The following TGM3 variants were observed in gnomAD, a reference collection of about 807,000 sequenced individuals.
TGM3 encodes the protein protein-glutamine gamma-glutamyltransferase E.
Under a neutral mutation model 73.8 loss-of-function variants are expected in TGM3, and 52 were observed. The observed-to-expected ratio is 0.70, with a 90% CI of 0.56 to 0.89. TGM3 has a LOEUF of 0.89. Among genes scored for constraint, TGM3 ranks in the 40% least tolerant of loss-of-function variants. The probability of loss-of-function intolerance (pLI) is 0.00; values close to 1 mark genes in which losing one functional copy is unlikely to be tolerated. For missense variants in TGM3, 928 were observed against 909.9 expected (o/e 1.02, Z -0.26); for synonymous variants, 372 against 354.9 (o/e 1.05, Z -0.54).
intron 8 of TGM3, 32 bp downstream of exon 8, chr20:2,325,984 A>G: frequency 6.4e-7 from 1 of 1,565,168 alleles, no homozygotes; most frequent in Non-Finnish European, 8.7e-7. Context: ...CTGAGTCGTG[A>G]GCCTCACAGT....
chr20:2,339,696 C>A (rs567454006), intron 11 of TGM3, among the ~76,000 whole-genome samples, 158 bp from the exon 12 acceptor site: 58 of 152,218 alleles, frequency 3.8e-4, no homozygotes, highest in African/African-American at 1.4e-3. Context: ...GGGCGTCAGA[C>A]ACAATGTGCC....
At chr20:2,316,983 C>T (rs959185679) in intron 5 of TGM3, 85 bp from the exon 6 acceptor site, 3 of 1,500,984 alleles carry the variant, frequency 2.0e-6, no homozygotes, top group East Asian at 2.3e-5. Flanking sequence ...CTCATCTCCC[C>T]ACCTTGTCCT....
intron 7 of TGM3, among the ~76,000 whole-genome samples, chr20:2,321,132 T>A (rs1224166644): frequency 6.6e-6 from 1 of 152,110 alleles, no homozygotes; most frequent in Non-Finnish European, 1.5e-5. Context: ...CAGAGAGTGG[T>A]TTCAGCCCAG....
At chr20:2,318,015 G>A (rs1038674440) in intron 7 of TGM3, among the ~76,000 whole-genome samples, 4 of 149,874 alleles carry the variant, frequency 2.7e-5, no homozygotes, top group East Asian at 2.0e-4. Context: ...TCTGGATTCC[G>A]GATGAAAACA....
At chr20:2,312,137 C>T (rs6515233) in intron 4 of TGM3, among the ~76,000 whole-genome samples, 75,652 of 151,960 alleles carry the variant, frequency 0.5, 23,203 homozygotes, top group East Asian at 0.74. Flanking sequence ...CAGTGGCTCA[C>T]GCCTGTAATC....
Position 2,311,139 on chromosome 20 carries a change from T to C in TGM3, c.540+10T>C. 1.2e-6 allele frequency: 2 copies of C among 1,610,160 alleles called. No individual in the cohort carries two copies. Among genetic ancestry groups the C allele is most frequent in the African/African-American group, 1.3e-5 (1 of 74,844 alleles). On this transcript the variant is annotated intron_variant, in intron 4 of 12. Transcript: ENST00000381458. Reference sequence around the variant, plus strand: ...CTGGAACTTTGGACAGGTAAAAGGGTCATAAGGAAGCTAAGGGTAATGTCC... The same window carrying C: ...CTGGAACTTTGGACAGGTAAAAGGGCCATAAGGAAGCTAAGGGTAATGTCC...
At chr20:2,339,147 G>A (rs1223660735) in intron 11 of TGM3, among the ~76,000 whole-genome samples, 1 of 152,224 alleles carries the variant, frequency 6.6e-6, no homozygotes, top group Non-Finnish European at 1.5e-5. Flanking sequence ...GCAGAGGAGA[G>A]TAGCCTGGGT....
In TGM3 at chr20:2,334,703, G is replaced by A. The variant is rs2084338850; in HGVS notation, c.1643-413G>A. 1.3e-5 allele frequency among the ~76,000 whole-genome samples: 2 copies of A among 152,166 alleles called. No homozygotes were observed. Among genetic ancestry groups the A allele is most frequent in the Admixed American group, 1.3e-4 (2 of 15,268 alleles). On this transcript the variant is annotated intron_variant, in intron 10 of 12. Transcript: ENST00000381458. The surrounding 1 kb of genome is among the most constrained non-coding windows in gnomAD (Gnocchi z 4.0). ...TCACGCCTGTAATCCCAACACTTTG[G>A]GAGGCCAAGGCGGGAGGATCCCTTG...
intron 1 of TGM3, 101 bp downstream of exon 1, chr20:2,296,171 C>T (rs1018866146): frequency 2.8e-6 from 4 of 1,433,954 alleles, no homozygotes; most frequent in Admixed American, 4.0e-5. Context: ...CAGCTGCCTG[C>T]CTTGGGGGCT....
chr20:2,310,304 C>G lies in TGM3; in HGVS notation c.308C>G (p.Pro103Arg). 1 of 1,614,246 alleles carries G rather than the reference C, an allele frequency of 6.2e-7. No homozygotes were observed. Among genetic ancestry groups the G allele is most frequent in the Non-Finnish European group, 8.5e-7 (1 of 1,180,030 alleles). ...GNTLTISISSPASAPIGRYTM... is the reference protein window; with the variant it reads ...GNTLTISISSRASAPIGRYTM... ...ACTCTGACTATCAGCATCTCCAGTC[C>G]TGCCAGCGCACCCATAGGACGGTAC... The change falls in exon 3 of 13, where the codon CCT becomes CGT. Residue 103 changes from proline to arginine, a missense_variant. Transcript: ENST00000381458.
chr20:2,310,103 G>T (rs900333663), intron 2 of TGM3, 75 bp from the exon 3 acceptor site: 11 of 1,584,152 alleles, frequency 6.9e-6, no homozygotes, highest in Admixed American at 1.7e-5. Context: ...CCAGAGGGGG[G>T]TTGTATTGGA....
At chr20:2,325,452 A>C (rs1231658739) in intron 7 of TGM3, among the ~76,000 whole-genome samples, 3 of 152,184 alleles carry the variant, frequency 2.0e-5, no homozygotes. Context: ...ATACCCCGCC[A>C]GGCAGAGGGA....
At chr20:2,326,588 C>G (rs2084289200) in intron 8 of TGM3, among the ~76,000 whole-genome samples, 1 of 152,190 alleles carries the variant, frequency 6.6e-6, no homozygotes, top group Non-Finnish European at 1.5e-5. Flanking sequence ...GTGGCTCACA[C>G]CTGTAATCTC....
intron 1 of TGM3, among the ~76,000 whole-genome samples, chr20:2,304,792 G>A (rs1392146320): frequency 2.6e-5 from 4 of 152,050 alleles, no homozygotes. Context: ...CAGCCTACAG[G>A]GAGTGCACAC....
intron 1 of TGM3, among the ~76,000 whole-genome samples, chr20:2,308,831 A>G (rs899342340): frequency 1.4e-4 from 22 of 151,964 alleles, no homozygotes; most frequent in Middle Eastern, 6.8e-3. Flanking sequence ...GACAACAAAG[A>G]AGCCAAACCA....
At chr20:2,301,186 G>C (rs1308606429) in intron 1 of TGM3, among the ~76,000 whole-genome samples, 1 of 151,834 alleles carries the variant, frequency 6.6e-6, no homozygotes, top group African/African-American at 2.4e-5. Context: ...GCTAGAAAGA[G>C]AGAAAGGAGA....
At position 2,311,053 on chromosome 20, in the gene TGM3, A is replaced by T. The variant is rs1165042476; in HGVS notation, c.464A>T (p.Tyr155Phe). 1 of 1,613,992 alleles carries T rather than the reference A, an allele frequency of 6.2e-7. No homozygotes were observed. Among genetic ancestry groups the T allele is most frequent in the East Asian group, 2.2e-5 (1 of 44,892 alleles). Residue 155 changes from tyrosine to phenylalanine, a missense_variant, in exon 4 of 13, where the codon TAT (tyrosine) becomes TTT (phenylalanine). By Grantham distance (22) the Tyr-to-Phe change is conservative (BLOSUM62 3). Coordinates refer to ENST00000381458, the MANE Select transcript of TGM3 (RefSeq NM_003245.4). ...GGTAACCACGCTGAGAGAGAAGAGT[A>T]TGTTCAGGAAGATGCCGGCATCATC... Reference protein sequence around the residue: ...FMGNHAEREEYVQEDAGIIFV... With the variant: ...FMGNHAEREEFVQEDAGIIFV...
At chr20:2,300,427 T>C (rs1486236369) in intron 1 of TGM3, among the ~76,000 whole-genome samples, 2 of 152,202 alleles carry the variant, frequency 1.3e-5, no homozygotes, top group African/African-American at 4.8e-5. Flanking sequence ...AACTCTCTCT[T>C]AGGAAGAGAA....
intron 1 of TGM3, among the ~76,000 whole-genome samples, chr20:2,304,834 C>G (rs1228558590): frequency 6.6e-6 from 1 of 152,220 alleles, no homozygotes; most frequent in Non-Finnish European, 1.5e-5. Context: ...GCCCCCACTT[C>G]AGATGCCAGT....
Sources: allele counts gnomAD v4.1 joint callset (sites outside exome capture counted in the v4.1 genomes callset), GRCh38; gene constraint gnomAD v4.1.1; non-coding constraint Gnocchi (gnomAD v3.1); transcripts MANE v1.5; gene names NCBI Gene and HGNC (gene_info 2026-07-23, HGNC 2026-07-21).